TNRC6B: variants seen among roughly 807,000 people sequenced by gnomAD.
The protein encoded by TNRC6B is trinucleotide repeat-containing gene 6B protein.
Under a neutral mutation model 203.6 loss-of-function variants are expected in TNRC6B, and 52 were observed. That is an observed-to-expected ratio of 0.26 (90% CI 0.20 to 0.32). The LOEUF is 0.32. TNRC6B is among the 10% of genes least tolerant of loss of function. TNRC6B has a pLI of 1.00. For synonymous variants in TNRC6B, 838 were observed against 845.7 expected, an observed-to-expected ratio of 0.99 and a Z score of 0.16; for missense variants, 1,923 against 2,286.2, an observed-to-expected ratio of 0.84 and a Z score of 3.24.
At chr22:40,201,927 GA>G (rs2069417680) in intron 1 of TNRC6B, among the ~76,000 whole-genome samples, 1 of 152,080 alleles carries the variant, frequency 6.6e-6, no homozygotes, top group African/African-American at 2.4e-5. Flanking sequence ...GAAAAAGTTT[GA>G]AACACTTCTG....
At chr22:40,270,393 C>G (rs531420287) in intron 6 of TNRC6B, 113 bp downstream of exon 6, 1 of 1,056,858 alleles carries the variant, frequency 9.5e-7, no homozygotes, top group Non-Finnish European at 1.2e-6. Flanking sequence ...AATTTCGGCT[C>G]ACTGCAACCT....
At chr22:40,264,198 T>C (rs964509233) in intron 4 of TNRC6B, among the ~76,000 whole-genome samples, 1 of 152,198 alleles carries the variant, frequency 6.6e-6, no homozygotes, top group Admixed American at 6.5e-5. Context: ...TAGTAGAAGA[T>C]AAGACTAGAA....
chr22:40,264,501 G>A (rs1008137276), intron 4 of TNRC6B, among the ~76,000 whole-genome samples, 187 bp from the exon 5 acceptor site: 4 of 152,008 alleles, frequency 2.6e-5, no homozygotes, highest in Admixed American at 6.6e-5. Context: ...AGACTTAACC[G>A]GTGTAACACA....
At chr22:40,262,308 C>T (rs945519587) in intron 4 of TNRC6B, 135 bp downstream of exon 4, 1 of 792,516 alleles carries the variant, frequency 1.3e-6, no homozygotes, top group Non-Finnish European at 1.8e-6. Context: ...GAGAGAGGAT[C>T]CTAGTATGCG....
chr22:40,161,180 A>C (rs559105237), intron 4 of TNRC6B, among the ~76,000 whole-genome samples: 1 of 152,180 alleles, frequency 6.6e-6, no homozygotes, highest in South Asian at 2.1e-4. Flanking sequence ...TGCCTTGAGA[A>C]GTCTTTCCTA....
chr22:40,186,682 G>A (rs1392966421), intron 1 of TNRC6B, among the ~76,000 whole-genome samples: 1 of 149,220 alleles, frequency 6.7e-6, no homozygotes, highest in Admixed American at 6.7e-5. Context: ...AGGTTGCAGT[G>A]AGCCGAGATC....
intron 2 of TNRC6B, among the ~76,000 whole-genome samples, chr22:40,124,321 CTTTTTTTTTT>C (rs545893898): frequency 7.5e-6 from 1 of 134,066 alleles, no homozygotes; most frequent in African/African-American, 2.9e-5. Flanking sequence ...ATCTTTTTAC[CTTTTTTTTTT>C]TTTTTTTTTG....
intron 5 of TNRC6B, among the ~76,000 whole-genome samples, chr22:40,268,739 G>A (rs907253941): frequency 6.6e-6 from 1 of 151,716 alleles, no homozygotes; most frequent in Admixed American, 6.6e-5. Flanking sequence ...GTGAAACCCC[G>A]CCTCTACTAA....
rs117644986 is a variant in TNRC6B, at chr22:40,326,479, G to A, written c.*3238G>A. ...TAAGCTTTGTAAGAGCTCGATCATGGATTCTTTTGAAATTGTGTGTAGTTT... is the reference window on the plus strand; with the variant it reads ...TAAGCTTTGTAAGAGCTCGATCATGAATTCTTTTGAAATTGTGTGTAGTTT... On this transcript the variant is annotated 3_prime_UTR_variant, in exon 23 of 23. Transcript: ENST00000454349. 68 of 152,720 alleles carry A rather than the reference G, an allele frequency of 4.5e-4. 1 individual carries two copies. Among genetic ancestry groups the A allele is most frequent in the Non-Finnish European group, 7.2e-4 (49 of 68,024 alleles). 9.5% of individuals were successfully genotyped at this position (152,720 alleles called of 1,614,324 possible). A position where few individuals can be genotyped will look rare whatever the true frequency, so the allele number is the denominator to read the frequency against.
intron 1 of TNRC6B, among the ~76,000 whole-genome samples, chr22:40,217,331 G>A (rs1012597370): frequency 6.6e-6 from 1 of 152,132 alleles, no homozygotes; most frequent in Non-Finnish European, 1.5e-5. Flanking sequence ...GTGCTGAAAG[G>A]AACCTGACAT....
chr22:40,077,802 T>A (rs1482649374), intron 1 of TNRC6B, among the ~76,000 whole-genome samples: 2 of 152,072 alleles, frequency 1.3e-5, no homozygotes, highest in African/African-American at 4.8e-5. Flanking sequence ...CTTGGAGAAG[T>A]TTTTTCATGT....
chr22:40,147,604 C>T (rs11089974), intron 3 of TNRC6B, among the ~76,000 whole-genome samples: 34,252 of 152,052 alleles, frequency 0.23, 4,174 homozygotes, highest in Admixed American at 0.34. Flanking sequence ...AGCGACAGTG[C>T]GTCCCTGACA....
chr22:40,221,761 C>CTT (rs138030), intron 1 of TNRC6B, among the ~76,000 whole-genome samples: 79 of 134,276 alleles, frequency 5.9e-4, no homozygotes, highest in Admixed American at 8.3e-4. Flanking sequence ...GCCCCCCCCC[C>CTT]TTTTTTTTTT....
rs897174504 is a variant in TNRC6B, at chr22:40,088,625, T to A, written c.-120-28430T>A. Among the ~76,000 whole-genome samples the A allele has an allele frequency of 4.7e-4, 71 of 151,290 alleles. 2 individuals are homozygous for A. Among genetic ancestry groups the A allele is most frequent in the Non-Finnish European group, 2.8e-4 (19 of 67,750 alleles). On this transcript the variant is annotated intron_variant, in intron 1 of 23. Transcript: ENST00000301923. ...GTGTGTGTGTGTGTGTGTGTGTGTG[T>A]GTGTGTTTTAGTAGAGACGGGGCTT...
At chr22:40,276,302 G>A (rs2070643774) in intron 7 of TNRC6B, among the ~76,000 whole-genome samples, 1 of 151,490 alleles carries the variant, frequency 6.6e-6, no homozygotes, top group Admixed American at 6.6e-5. Context: ...AGTTGGGATG[G>A]CACCACTGCA....
intron 16 of TNRC6B, among the ~76,000 whole-genome samples, chr22:40,309,639 C>G (rs1422203831): frequency 6.6e-6 from 1 of 152,200 alleles, no homozygotes; most frequent in African/African-American, 2.4e-5. Context: ...TGATGATTCA[C>G]CAGGTCCCCT....
intron 4 of TNRC6B, among the ~76,000 whole-genome samples, chr22:40,262,776 A>C (rs1029749031): frequency 1.3e-5 from 2 of 152,198 alleles, no homozygotes; most frequent in Admixed American, 1.3e-4. Flanking sequence ...ACGGTGGCTC[A>C]CGCCTGTAAT....
intron 1 of TNRC6B, among the ~76,000 whole-genome samples, chr22:40,100,432 C>T (rs1341549139): frequency 1.3e-5 from 2 of 151,982 alleles, no homozygotes; most frequent in East Asian, 1.9e-4. Flanking sequence ...GGTTGGAGTG[C>T]AGTGATAACA....
intron 1 of TNRC6B, among the ~76,000 whole-genome samples, chr22:40,214,053 G>A (rs908506075): frequency 3.9e-5 from 6 of 152,142 alleles, no homozygotes; most frequent in African/African-American, 1.4e-4. Flanking sequence ...GGATCACGAG[G>A]TCAGGAGTTT....
Sources: gnomAD v4.1 joint callset for allele counts (sites outside exome capture counted in the v4.1 genomes callset) on GRCh38, gnomAD v4.1.1 for gene constraint, MANE v1.5 for transcripts, NCBI Gene and HGNC (gene_info 2026-07-23, HGNC 2026-07-21) for gene names.